Variants in LZTS1 observed in about 807,000 individuals in gnomAD.
The protein encoded by LZTS1 is leucine zipper putative tumor suppressor 1.
In LZTS1, 31 loss-of-function variants were observed where a neutral mutation model predicts 45.8. The observed-to-expected ratio is 0.68, with a 90% confidence interval of 0.51 to 0.91. The LOEUF (loss-of-function observed/expected upper bound fraction) is 0.91. LZTS1 is among the 40% of genes least tolerant of loss of function. The pLI is 0.00. For synonymous variants in LZTS1, 359 were observed against 357.3 expected (o/e 1.00, Z -0.05); for missense variants, 821 against 788.9 (o/e 1.04, Z -0.49).
chr8:20,296,699 G>A (rs928200908), intron 1 of LZTS1, among the ~76,000 whole-genome samples: 34 of 152,164 alleles, frequency 2.2e-4, no homozygotes, highest in Admixed American at 5.9e-4. Flanking sequence ...GTGTGTGTGC[G>A]TGTGTATGTG....
chr8:20,288,556 A>AGGTTTGC (rs1800839259), intron 1 of LZTS1, among the ~76,000 whole-genome samples: 1 of 152,190 alleles, frequency 6.6e-6, no homozygotes, highest in Non-Finnish European at 1.5e-5. Flanking sequence ...TTACTACCCC[A>AGGTTTGC]ACTGATGGAT....
At chr8:20,300,459 A>C (rs1192680423) in intron 1 of LZTS1, among the ~76,000 whole-genome samples, 1 of 151,874 alleles carries the variant, frequency 6.6e-6, no homozygotes, top group Non-Finnish European at 1.5e-5. Flanking sequence ...CAGCCTCCCA[A>C]GTAGCTGGGA....
rs1799746147 is a variant in LZTS1 at position 20,246,922 on chromosome 8, T to C, written c.*2800A>G. 6.6e-6 allele frequency: 1 copy of C among 152,364 alleles called. No homozygotes were observed. The highest frequency in any genetic ancestry group is 6.5e-5 in the Admixed American group (1 of 15,290). 9.4% of individuals were successfully genotyped at this position (152,364 alleles called of 1,614,324 possible). On this transcript the variant is annotated 3_prime_UTR_variant, in exon 4 of 4. Transcript: ENST00000381569. Reference sequence around the variant, plus strand: ...GGGGCCTGGGGCCAGGCTCTGTGCTTGGAGGCTTCTGCTGTCCAGAGCCTC... The same window carrying C: ...GGGGCCTGGGGCCAGGCTCTGTGCTCGGAGGCTTCTGCTGTCCAGAGCCTC...
intron 1 of LZTS1, among the ~76,000 whole-genome samples, chr8:20,294,125 A>T (rs552536832): frequency 1.3e-5 from 2 of 152,108 alleles, no homozygotes; most frequent in East Asian, 3.9e-4. Flanking sequence ...AGAGTATCTG[A>T]AGTTTTTTCA....
chr8:20,279,681 C>CAAA (rs34501896), intron 1 of LZTS1, among the ~76,000 whole-genome samples: 34,780 of 70,364 alleles, frequency 0.49, 9,111 homozygotes, highest in Non-Finnish European at 0.57. Flanking sequence ...GACCCTGTCT[C>CAAA]AAAAAAAAAA....
intron 1 of LZTS1, among the ~76,000 whole-genome samples, chr8:20,276,352 C>T (rs569412363): frequency 6.6e-6 from 1 of 151,948 alleles, no homozygotes; most frequent in East Asian, 2.0e-4. Flanking sequence ...TGCCCCTAAC[C>T]TCTGGGGAGG....
intron 1 of LZTS1, among the ~76,000 whole-genome samples, chr8:20,269,417 G>A (rs989484472): frequency 6.6e-6 from 1 of 152,234 alleles, no homozygotes; most frequent in Admixed American, 6.5e-5. Flanking sequence ...GTTGGGGGCA[G>A]ATGGCCCCCT....
Position 20,249,528 on chromosome 8 carries a change from G to T in LZTS1, c.*194C>A. On this transcript the variant is annotated 3_prime_UTR_variant, in exon 4 of 4. Coordinates refer to ENST00000381569, the MANE Select transcript of LZTS1 (RefSeq NM_021020.5). ...GGAGTCAGGGCCTGACGTCTGGTGG[G>T]CTGCAGGGCTGGTGAGCACTGGGAC... 1.5e-6 allele frequency: 1 copy of T among 655,422 alleles called. No homozygotes were observed. The highest frequency in any genetic ancestry group is 2.6e-6 in the Non-Finnish European group (1 of 391,366). 40.6% of individuals were successfully genotyped at this position (655,422 alleles called of 1,614,324 possible). A position where few individuals can be genotyped will look rare whatever the true frequency, so the allele number is the denominator to read the frequency against.
chr8:20,296,910 G>C (rs1346282273), intron 1 of LZTS1, among the ~76,000 whole-genome samples: 1 of 152,188 alleles, frequency 6.6e-6, no homozygotes, highest in African/African-American at 2.4e-5. Flanking sequence ...CTGTCACTTA[G>C]TAAGAAAAAT....
In LZTS1 at chr8:20,303,779, T is replaced by G. The variant is rs1191174766; in HGVS notation, c.-174A>C. On this transcript the variant is annotated 5_prime_UTR_variant, in exon 1 of 4. Coordinates refer to ENST00000381569, the MANE Select transcript of LZTS1 (RefSeq NM_021020.5). ...TCGGGCGCACTTGAGACTTTTTTTT[T>G]TTCCCAGTGTTTCCCGGTGTGTTCC... 2 of 984,406 alleles carry G rather than the reference T, an allele frequency of 2.0e-6. No homozygotes were observed. The highest frequency in any genetic ancestry group is 9.4e-5 in the South Asian group (2 of 21,262). The allele number at this position is 984,406 out of a possible 1,614,324, so 61.0% of individuals were successfully genotyped here. A position where few individuals can be genotyped will look rare whatever the true frequency, so the allele number is the denominator to read the frequency against.
chr8:20,248,653 G>A lies in LZTS1; in HGVS notation c.*1069C>T, dbSNP rs1488480963. The stretch of plus-strand genomic sequence containing the variant: ...GAACTCAGCCCTGAAGGTGCTAAGG[G>A]GGAAAGGTTTGCCGCTAAACCTGGC... On this transcript the variant is annotated 3_prime_UTR_variant, in exon 4 of 4. Transcript: ENST00000381569. The A allele has an allele frequency of 6.6e-6, 1 of 152,278 alleles. No homozygotes were observed. The highest frequency in any genetic ancestry group is 1.5e-5 in the Non-Finnish European group (1 of 68,142). 9.4% of individuals were successfully genotyped at this position (152,278 alleles called of 1,614,324 possible).
rs1458324923 is a variant in LZTS1 at position 20,248,013 on chromosome 8, GA to G, written c.*1708del. The G allele has an allele frequency of 6.6e-6, 1 of 152,612 alleles. No homozygotes were observed. Among genetic ancestry groups the G allele is most frequent in the Non-Finnish European group, 1.5e-5 (1 of 68,092 alleles). 9.5% of individuals were successfully genotyped at this position (152,612 alleles called of 1,614,324 possible). A position where few individuals can be genotyped will look rare whatever the true frequency, so the allele number is the denominator to read the frequency against. On this transcript the variant is annotated 3_prime_UTR_variant, in exon 4 of 4. Coordinates refer to ENST00000381569, the MANE Select transcript of LZTS1 (RefSeq NM_021020.5). The stretch of plus-strand genomic sequence containing the variant: ...AAGACAAGAAAGCAAAAAAGAAAAA[GA>G]AAGAAGAATAAAAGAAAAATCTGGC...
At chr8:20,287,880 C>T (rs527385105) in intron 1 of LZTS1, among the ~76,000 whole-genome samples, 1 of 142,538 alleles carries the variant, frequency 7.0e-6, no homozygotes, top group Non-Finnish European at 1.5e-5. Context: ...AAGCTAATCA[C>T]GCCAAAGCAC....
At position 20,265,676 on chromosome 8, in the gene LZTS1, C is replaced by CAAAAAAA. The variant is rs71222140; in HGVS notation, c.-134-10368_-134-10362dup. On this transcript the variant is annotated intron_variant, in intron 1 of 3. Coordinates refer to ENST00000381569, the MANE Select transcript of LZTS1 (RefSeq NM_021020.5). ...CCTGGGCAACAGAGAGACTCTGTCTCAAAAAAAAAAAAAAAAAAAAAAAAA... is the reference window on the plus strand; with the variant it reads ...CCTGGGCAACAGAGAGACTCTGTCTCAAAAAAAAAAAAAAAAAAAAAAAAAAAAAAAA... 5.1e-3 allele frequency among the ~76,000 whole-genome samples: 220 copies of CAAAAAAA among 42,974 alleles called. 52 individuals are homozygous for CAAAAAAA. Among genetic ancestry groups the CAAAAAAA allele is most frequent in the Non-Finnish European group, 6.9e-3 (175 of 25,458 alleles). 28.2% of individuals were successfully genotyped at this position (42,974 alleles called of 152,430 possible).
intron 2 of LZTS1, 104 bp from the exon 3 acceptor site, chr8:20,253,689 G>C: frequency 2.3e-6 from 2 of 861,746 alleles, no homozygotes; most frequent in Non-Finnish European, 3.4e-6. Flanking sequence ...TGGGCTCTCT[G>C]AGCGCACGCA....
intron 1 of LZTS1, among the ~76,000 whole-genome samples, chr8:20,269,169 A>G (rs1265122990): frequency 9.9e-5 from 15 of 152,156 alleles, no homozygotes; most frequent in Non-Finnish European, 8.8e-5. Context: ...GGCTGGTCCC[A>G]CGTGAGAGAG....
In LZTS1 at chr8:20,247,594, G is replaced by C. The variant is rs1799769968; in HGVS notation, c.*2128C>G. 6.5e-6 allele frequency: 1 copy of C among 152,692 alleles called. No individual in the cohort carries two copies. The highest frequency in any genetic ancestry group is 1.9e-4 in the East Asian group (1 of 5,194). 9.5% of individuals were successfully genotyped at this position (152,692 alleles called of 1,614,324 possible). On this transcript the variant is annotated 3_prime_UTR_variant, in exon 4 of 4. Transcript: ENST00000381569. ...AGGTTTAAGCCTAGCTTGGGACTAA[G>C]AGCAATGGTTTGAAATTCCAGAAAA...
Position 20,298,422 on chromosome 8 carries a change from T to C in LZTS1, c.-135+5318A>G, listed in dbSNP as rs796125783. Among the ~76,000 whole-genome samples the C allele has an allele frequency of 1.4e-4, 22 of 152,332 alleles. 1 individual carries two copies. The highest frequency in any genetic ancestry group is 5.1e-4 in the African/African-American group (21 of 41,578). On this transcript the variant is annotated intron_variant, in intron 1 of 3. Transcript: ENST00000381569. Reference sequence around the variant, plus strand: ...ATCTGCCAAATGGCAAAGGGAATCTTCTCACAGAGTTGTTGTGAGGTGTAA... The same window carrying C: ...ATCTGCCAAATGGCAAAGGGAATCTCCTCACAGAGTTGTTGTGAGGTGTAA...
In LZTS1 at chr8:20,260,001, A is replaced by G. The variant is rs1474673977; in HGVS notation, c.-134-4686T>C. Among the ~76,000 whole-genome samples the G allele has an allele frequency of 2.0e-5, 3 of 152,254 alleles. No homozygotes were observed. In the East Asian group the frequency reaches 5.8e-4, roughly 29 times the overall value. On this transcript the variant is annotated intron_variant, in intron 1 of 3. Transcript: ENST00000381569. ...ACTGCAGCCTCCAGCTGCTGGGCTC[A>G]AGTGATCTTCCCACCTTAGCCCCAG...
Sources: allele counts gnomAD v4.1 joint callset (sites outside exome capture counted in the v4.1 genomes callset), GRCh38; gene constraint gnomAD v4.1.1; transcripts MANE v1.5; gene names NCBI Gene and HGNC (gene_info 2026-07-23, HGNC 2026-07-21).